Variants in MINDY4 observed in about 807,000 individuals in gnomAD.
MINDY4 encodes the protein probable ubiquitin carboxyl-terminal hydrolase MINDY-4.
In MINDY4, 68 loss-of-function variants were observed where a neutral mutation model predicts 87.0. The ratio of observed to expected loss-of-function variants is 0.78; its 90% confidence interval spans 0.64 to 0.96. The LOEUF is 0.96. MINDY4 is among the 40% of genes least tolerant of loss of function. The pLI is 0.00. For synonymous variants in MINDY4, 379 were observed against 363.2 expected, an observed-to-expected ratio of 1.04 and a Z score of -0.50; for missense variants, 919 against 928.2, an observed-to-expected ratio of 0.99 and a Z score of 0.13.
rs1215809997 is a variant in MINDY4, at chr7:30,852,291, T to C, written c.1611+12T>C. 1 of 1,614,086 alleles carries C rather than the reference T, an allele frequency of 6.2e-7. No homozygotes were observed. Among genetic ancestry groups the C allele is most frequent in the Non-Finnish European group, 8.5e-7 (1 of 1,179,992 alleles). On this transcript the variant is annotated intron_variant, in intron 11 of 17. Coordinates refer to ENST00000265299, the MANE Select transcript of MINDY4 (RefSeq NM_032222.3). The stretch of plus-strand genomic sequence containing the variant: ...GAGTCTTAGAAACAGTACGACTTTC[T>C]GGAAAATTATCACGCAAACTTTGGC...
Position 30,840,761 on chromosome 7 carries a change from G to A in MINDY4, c.1358G>A (p.Gly453Asp). The change falls in exon 9 of 18, where the codon GGT (glycine) becomes GAT (aspartate). Residue 453 changes from glycine (G) to aspartate (D), a missense_variant and splice_region_variant. Physicochemically the swap from Gly to Asp is moderately conservative, Grantham distance 94 (BLOSUM62 -1). Coordinates refer to ENST00000265299, the MANE Select transcript of MINDY4 (RefSeq NM_032222.3). The part of the protein sequence containing the change: ...SLKYGIVQNK[G>D]GPCGVLAAVQ... ...CAGCAATGGTCTCATTCTTTGCAGG[G>A]TGGTCCTTGCGGAGTCCTGGCAGCT... The A allele has an allele frequency of 6.2e-7, 1 of 1,613,950 alleles. No homozygotes were observed. The highest frequency in any genetic ancestry group is 8.5e-7 in the Non-Finnish European group (1 of 1,179,906).
intron 5 of MINDY4, among the ~76,000 whole-genome samples, chr7:30,822,627 TTTTATTTATTTA>T (rs74376606): frequency 1.4e-5 from 2 of 145,654 alleles, no homozygotes; most frequent in Non-Finnish European, 3.0e-5. Context: ...TGCCTGTCTA[TTTTATTTATTTA>T]TTTATTTATT....
intron 2 of MINDY4, 150 bp from the exon 3 acceptor site, chr7:30,781,827 A>G (rs1787015836): frequency 1.6e-6 from 1 of 624,716 alleles, no homozygotes. Flanking sequence ...CCTGACATAT[A>G]TAATATGTGG....
intron 5 of MINDY4, among the ~76,000 whole-genome samples, chr7:30,793,172 G>A (rs756305355): frequency 2.3e-5 from 2 of 85,726 alleles, no homozygotes; most frequent in Non-Finnish European, 4.6e-5. Context: ...GTTTATATAT[G>A]TATTATTCTT....
At chr7:30,785,667 C>T (rs1787141284) in intron 3 of MINDY4, 82 bp from the exon 4 acceptor site, 2 of 1,508,582 alleles carry the variant, frequency 1.3e-6, no homozygotes, top group African/African-American at 2.8e-5. Flanking sequence ...GCTTTGAATG[C>T]ACATTGAATG....
At position 30,851,475 on chromosome 7, in the gene MINDY4, AAAT is replaced by A. The variant is rs749809871; in HGVS notation, c.1548-731_1548-729del. The stretch of plus-strand genomic sequence containing the variant: ...CATTTTATCAATATGAATAGCTGAT[AAAT>A]AATAATAATTGCGAAGTGCTTAGGA... On this transcript the variant is annotated intron_variant, in intron 10 of 17. Transcript: ENST00000265299. 9.8e-5 allele frequency among the ~76,000 whole-genome samples: 15 copies of A among 152,352 alleles called. No homozygotes were observed. In the South Asian group the frequency reaches 2.3e-3, roughly 23 times the overall value.
Position 30,796,887 on chromosome 7 carries a change from G to A in MINDY4, c.1073+5313G>A, listed in dbSNP as rs1787506209. The A allele has an allele frequency of 2.4e-5, 3 of 125,834 alleles. No homozygotes were observed. In the South Asian group the frequency reaches 8.4e-4, roughly 35 times the overall value. 7.8% of individuals were successfully genotyped at this position (125,834 alleles called of 1,614,324 possible). ...TGATTTCAGACTCTGAATTCCTGGA[G>A]TCATACCCTCAAAAAAAAAAAAAAG... is the stretch of plus-strand genomic sequence containing the variant. On this transcript the variant is annotated intron_variant, in intron 5 of 17. Transcript: ENST00000265299.
intron 6 of MINDY4, among the ~76,000 whole-genome samples, chr7:30,829,998 G>A (rs1056371652): frequency 1.8e-4 from 27 of 149,042 alleles, no homozygotes; most frequent in Non-Finnish European, 3.0e-4. Context: ...GGAGAAGAAG[G>A]TGAAGGATAG....
At chr7:30,879,348 G>A (rs1383543647) in intron 15 of MINDY4, among the ~76,000 whole-genome samples, 1 of 152,132 alleles carries the variant, frequency 6.6e-6, no homozygotes, top group Non-Finnish European at 1.5e-5. Flanking sequence ...TCAGGGGCAC[G>A]GCCTTCAGAA....
chr7:30,810,616 A>G (rs1363867302), intron 5 of MINDY4, among the ~76,000 whole-genome samples: 1 of 152,194 alleles, frequency 6.6e-6, no homozygotes, highest in Non-Finnish European at 1.5e-5. Flanking sequence ...TAAAGCACTA[A>G]CCTGCTCTAT....
chr7:30,814,448 A>G (rs1788092460), intron 5 of MINDY4, among the ~76,000 whole-genome samples: 1 of 152,186 alleles, frequency 6.6e-6, no homozygotes, highest in South Asian at 2.1e-4. Flanking sequence ...TTTTATTTTT[A>G]TCACGTCACC....
At position 30,785,504 on chromosome 7, in the gene MINDY4, T is replaced by C. The variant is rs181597174; in HGVS notation, c.420-245T>C. Among the ~76,000 whole-genome samples the C allele has an allele frequency of 2.6e-5, 4 of 152,378 alleles. No homozygotes were observed. The East Asian group carries it at 7.7e-4, about 29-fold the overall frequency. On this transcript the variant is annotated intron_variant, in intron 3 of 17. Transcript: ENST00000265299. ...TTAGTCTTAAGGACTTGAGGGGTCC[T>C]GTTATGGATCATCATCTCTGAATTT...
chr7:30,772,904 A>G (rs933862481), intron 1 of MINDY4, among the ~76,000 whole-genome samples: 2 of 152,094 alleles, frequency 1.3e-5, no homozygotes, highest in Admixed American at 1.3e-4. Flanking sequence ...CAGTGTCCTC[A>G]CTGACATCCA....
In MINDY4 at chr7:30,872,259, G is replaced by A; in HGVS notation, c.1762G>A (p.Asp588Asn). 3 of 1,614,148 alleles carry A rather than the reference G, an allele frequency of 1.9e-6. No individual in the cohort carries two copies. The highest frequency in any genetic ancestry group is 2.5e-6 in the Non-Finnish European group (3 of 1,180,010). ...GTTTTCCAGCATCCGCCAGGACTTT[G>A]ATGTCCCCACCAGCCACCTGATTGG... ...RSTELIRQDF[D>N]VPTSHLIGAH... The change falls in exon 14 of 18, where the codon GAT (aspartate) becomes AAT (asparagine). Residue 588 changes from aspartate to asparagine, a missense_variant. Transcript: ENST00000265299.
At chr7:30,880,207 G>A (rs1349677710) in intron 15 of MINDY4, among the ~76,000 whole-genome samples, 2 of 148,636 alleles carry the variant, frequency 1.3e-5, no homozygotes, top group South Asian at 2.1e-4. Flanking sequence ...CACAACCCCC[G>A]CCCTAGAAGA....
At chr7:30,820,368 G>C (rs930372350) in intron 5 of MINDY4, among the ~76,000 whole-genome samples, 15 of 150,622 alleles carry the variant, frequency 1.0e-4, no homozygotes, top group Non-Finnish European at 1.6e-4. Context: ...CTCTTTTCTT[G>C]CTTTCTTATT....
chr7:30,875,434 C>T, intron 14 of MINDY4, 61 bp from the exon 15 acceptor site: 1 of 1,582,382 alleles, frequency 6.3e-7, no homozygotes, highest in Non-Finnish European at 8.7e-7. Flanking sequence ...CCAGTCTCCT[C>T]TCCACTCTTT....
intron 17 of MINDY4, among the ~76,000 whole-genome samples, chr7:30,883,869 C>T (rs573298135): frequency 6.6e-6 from 1 of 152,218 alleles, no homozygotes; most frequent in African/African-American, 2.4e-5. Flanking sequence ...GGTGTTGCTG[C>T]TTCTTGGTGT....
At chr7:30,800,133 T>G (rs1787603861) in intron 5 of MINDY4, among the ~76,000 whole-genome samples, 1 of 152,172 alleles carries the variant, frequency 6.6e-6, no homozygotes. Flanking sequence ...TTTACCTGTC[T>G]GAGGCAGCTG....
Sources: allele counts gnomAD v4.1 joint callset (sites outside exome capture counted in the v4.1 genomes callset), GRCh38; gene constraint gnomAD v4.1.1; transcripts MANE v1.5; gene names NCBI Gene and HGNC (gene_info 2026-07-23, HGNC 2026-07-21).